The following LIMA1 variants were observed in gnomAD, a reference collection of about 807,000 sequenced individuals.
The protein encoded by LIMA1 is LIM domain and actin binding 1.
Under a neutral mutation model 62.6 loss-of-function variants are expected in LIMA1, and 52 were observed. That is an observed-to-expected ratio of 0.83 (90% confidence interval 0.67 to 1.05). LIMA1 has a LOEUF of 1.05. LIMA1 is among the 50% of genes least tolerant of loss of function. The pLI, the probability that LIMA1 is intolerant of heterozygous loss-of-function variation, is 0.00. For synonymous variants in LIMA1, 302 were observed against 317.8 expected (o/e 0.95, Z 0.53); for missense variants, 780 against 902.2 (o/e 0.86, Z 1.74).
intron 2 of LIMA1, among the ~76,000 whole-genome samples, chr12:50,241,097 A>G (rs998094184): frequency 1.3e-5 from 2 of 152,178 alleles, no homozygotes; most frequent in Non-Finnish European, 2.9e-5. Flanking sequence ...ATTCACCCAT[A>G]TTCCTTTAAT....
intron 1 of LIMA1, among the ~76,000 whole-genome samples, chr12:50,253,342 G>A (rs1486609335): frequency 3.3e-5 from 5 of 152,124 alleles, no homozygotes; most frequent in Admixed American, 3.3e-4. Flanking sequence ...CTACAGGATT[G>A]GTTTTATTGT....
At chr12:50,251,169 GT>G (rs755445503) in intron 1 of LIMA1, among the ~76,000 whole-genome samples, 3 of 151,864 alleles carry the variant, frequency 2.0e-5, no homozygotes, top group Admixed American at 1.3e-4. Flanking sequence ...AACTATCATA[GT>G]TTTTTTTAAA....
intron 3 of LIMA1, 167 bp from the exon 4 acceptor site, chr12:50,222,652 GGCAGA>G: frequency 6.5e-7 from 1 of 1,527,198 alleles, no homozygotes; most frequent in Non-Finnish European, 8.8e-7. Flanking sequence ...GCATCCACCC[GGCAGA>G]GGGAGAGGGA....
chr12:50,210,713 T>C (rs1941241168), intron 4 of LIMA1, among the ~76,000 whole-genome samples: 1 of 152,246 alleles, frequency 6.6e-6, no homozygotes, highest in African/African-American at 2.4e-5. Flanking sequence ...TTTCCCATCT[T>C]TGTTAGCTTT....
chr12:50,215,656 G>A (rs867006449), intron 4 of LIMA1, among the ~76,000 whole-genome samples: 9 of 151,798 alleles, frequency 5.9e-5, no homozygotes, highest in South Asian at 2.1e-4. Context: ...TGTATTTTTA[G>A]TAGAGATGGG....
At chr12:50,184,980 C>T (rs1323909762) in intron 9 of LIMA1, among the ~76,000 whole-genome samples, 2 of 152,014 alleles carry the variant, frequency 1.3e-5, no homozygotes, top group East Asian at 1.9e-4. Flanking sequence ...TACAGGCGTG[C>T]ACCACCACAC....
In LIMA1 at chr12:50,199,719, AAT is replaced by A. The variant is rs140026232; in HGVS notation, c.972+1056_972+1057del. The stretch of plus-strand genomic sequence containing the variant: ...TAGCATAGTGACTGCCTTTCAAAAT[AAT>A]ATGAGTGGAAGAGTAAGATTTTCTT... On this transcript the variant is annotated intron_variant, in intron 7 of 10. Transcript: ENST00000341247. 1.4e-4 allele frequency among the ~76,000 whole-genome samples: 22 copies of A among 152,334 alleles called. No homozygotes were observed. In the East Asian group the frequency reaches 4.0e-3, roughly 28 times the overall value.
At chr12:50,227,325 G>A (rs1189205882) in intron 3 of LIMA1, among the ~76,000 whole-genome samples, 2 of 144,198 alleles carry the variant, frequency 1.4e-5, no homozygotes, top group Non-Finnish European at 3.0e-5. Flanking sequence ...CACAGCCTCT[G>A]CCTCCTGGGT....
At position 50,217,363 on chromosome 12, in the gene LIMA1, C is replaced by T. The variant is rs73301460; in HGVS notation, c.630+4658G>A. Among the ~76,000 whole-genome samples, 1,366 of 152,088 alleles carry T rather than the reference C, an allele frequency of 9.0e-3. 24 individuals carry two copies. The highest frequency in any genetic ancestry group is 0.031 in the African/African-American group (1,276 of 41,454). ...GCAGTGGCTCAAGAGTGGCTGACTC[C>T]CTCCTTCCAAATCAGCCCATCATAG... On this transcript the variant is annotated intron_variant, in intron 4 of 10. Coordinates refer to ENST00000341247, the MANE Select transcript of LIMA1 (RefSeq NM_016357.5).
chr12:50,257,886 G>A (rs7305783), intron 1 of LIMA1, among the ~76,000 whole-genome samples: 1,742 of 152,244 alleles, frequency 0.011, 43 homozygotes, highest in African/African-American at 0.04. Context: ...GAGCCACCAC[G>A]TCCAGCCCAA....
intron 3 of LIMA1, among the ~76,000 whole-genome samples, chr12:50,227,208 G>A (rs1483068302): frequency 1.3e-5 from 2 of 148,794 alleles, no homozygotes; most frequent in Non-Finnish European, 3.0e-5. Flanking sequence ...CTTGATTAAG[G>A]TTGAAGTCTT....
chr12:50,241,526 T>C (rs890957185), intron 2 of LIMA1, among the ~76,000 whole-genome samples: 1 of 152,204 alleles, frequency 6.6e-6, no homozygotes, highest in African/African-American at 2.4e-5. Flanking sequence ...CTTGTCCTTT[T>C]AGCATGGAGG....
In LIMA1 at chr12:50,193,662, A is replaced by T. The variant is rs1565833480; in HGVS notation, c.1031-1101T>A. Among the ~76,000 whole-genome samples the T allele has an allele frequency of 5.5e-4, 51 of 93,450 alleles. 1 individual carries two copies. Among genetic ancestry groups the T allele is most frequent in the Middle Eastern group, 4.8e-3 (1 of 208 alleles). The allele number at this position is 93,450 out of a possible 152,430, so 61.3% of individuals were successfully genotyped here. A position where few individuals can be genotyped will look rare whatever the true frequency, so the allele number is the denominator to read the frequency against. Reference sequence around the variant, plus strand: ...TGTGTGTGTGTGTGTATATATATATATATATTTTTTTTTTTTTTTTTTTTC... The same window carrying T: ...TGTGTGTGTGTGTGTATATATATATTTATATTTTTTTTTTTTTTTTTTTTC... On this transcript the variant is annotated intron_variant, in intron 8 of 10. Transcript: ENST00000341247.
At chr12:50,194,277 CCG>C (rs1363115819) in intron 8 of LIMA1, among the ~76,000 whole-genome samples, 2 of 150,998 alleles carry the variant, frequency 1.3e-5, no homozygotes, top group East Asian at 2.0e-4. Flanking sequence ...GCGTGAGCCA[CCG>C]TGCCTGGCCA....
rs559851556 is a variant in LIMA1 at position 50,202,210 on chromosome 12, A to G, written c.865-1326T>C. 3.3e-5 allele frequency: 5 copies of G among 152,266 alleles called. No homozygotes were observed. In the South Asian group the frequency reaches 1.0e-3, roughly 32 times the overall value. The allele number at this position is 152,266 out of a possible 1,614,324, so 9.4% of individuals were successfully genotyped here. On this transcript the variant is annotated intron_variant, in intron 6 of 10. Coordinates refer to ENST00000341247, the MANE Select transcript of LIMA1 (RefSeq NM_016357.5). ...ATTCCTGACCCCATCTCAAAGCCCCACCTCCAGAACTGCTGCCAGAGAGTA... is the reference window on the plus strand; with the variant it reads ...ATTCCTGACCCCATCTCAAAGCCCCGCCTCCAGAACTGCTGCCAGAGAGTA...
At chr12:50,254,044 A>AAG (rs1555210193) in intron 1 of LIMA1, among the ~76,000 whole-genome samples, 1 of 151,110 alleles carries the variant, frequency 6.6e-6, no homozygotes, top group African/African-American at 2.4e-5. Context: ...AAAAAAAAAA[A>AAG]AAAGAAAGGT....
At chr12:50,211,472 G>C (rs944667653) in intron 4 of LIMA1, among the ~76,000 whole-genome samples, 3 of 144,126 alleles carry the variant, frequency 2.1e-5, no homozygotes, top group African/African-American at 7.8e-5. Flanking sequence ...GTGAGACCCT[G>C]TCTCTGCTTT....
chr12:50,237,944 G>A (rs1449144089), intron 2 of LIMA1, among the ~76,000 whole-genome samples: 1 of 152,160 alleles, frequency 6.6e-6, no homozygotes, highest in Admixed American at 6.5e-5. Context: ...ATGGATCAAA[G>A]ACCTAACTAT....
chr12:50,247,477 C>T (rs946337286), intron 2 of LIMA1, among the ~76,000 whole-genome samples: 7 of 152,030 alleles, frequency 4.6e-5, no homozygotes, highest in Non-Finnish European at 8.8e-5. Flanking sequence ...CAGCATCAAC[C>T]GCCTGACTTG....
Sources: allele counts gnomAD v4.1 joint callset (sites outside exome capture counted in the v4.1 genomes callset), GRCh38; gene constraint gnomAD v4.1.1; transcripts MANE v1.5; gene names NCBI Gene and HGNC (gene_info 2026-07-23, HGNC 2026-07-21).